The following STK32C variants were observed in gnomAD, a reference collection of about 807,000 sequenced individuals.
STK32C encodes serine/threonine kinase 32C.
STK32C carries 31 observed loss-of-function variants against 56.5 expected under a neutral mutation model. That is an observed-to-expected ratio of 0.55 (90% CI 0.41 to 0.74). The LOEUF (loss-of-function observed/expected upper bound fraction) is 0.74, where lower values mean the gene tolerates loss of function less well. Among genes scored for constraint, STK32C ranks in the 30% least tolerant of loss-of-function variants. The probability of loss-of-function intolerance (pLI) is 0.00; values close to 1 mark genes in which losing one functional copy is unlikely to be tolerated. For synonymous variants in STK32C, 309 were observed against 289.4 expected (o/e 1.07, Z -0.69); for missense variants, 544 against 676.9 (o/e 0.80, Z 2.18).
intron 2 of STK32C, among the ~76,000 whole-genome samples, chr10:132,241,608 C>T (rs1444374478): frequency 1.3e-5 from 2 of 152,166 alleles, no homozygotes; most frequent in African/African-American, 4.8e-5. Flanking sequence ...CTTGACAAGA[C>T]GTATTCAGAA....
rs76755058 is a variant in STK32C, at chr10:132,213,453, G to A, written c.1252-4352C>T. Reference sequence around the variant, plus strand: ...ATTTAGGCAAGCCCAAGGGCAACCCGGGAAATGAAAACAAATGTGAAGCCT... The same window carrying A: ...ATTTAGGCAAGCCCAAGGGCAACCCAGGAAATGAAAACAAATGTGAAGCCT... On this transcript the variant is annotated intron_variant, in intron 10 of 11. Transcript: ENST00000298630. Among the ~76,000 whole-genome samples the A allele has an allele frequency of 9.5e-3, 1,450 of 152,290 alleles. 29 individuals carry two copies. The highest frequency in any genetic ancestry group is 0.033 in the African/African-American group (1,362 of 41,548).
At chr10:132,280,107 C>T (rs114668248) in intron 1 of STK32C, among the ~76,000 whole-genome samples, 2,144 of 144,620 alleles carry the variant, frequency 0.015, 54 homozygotes, top group African/African-American at 0.051. Flanking sequence ...CCCTGCATTC[C>T]GTGATCACTC....
At chr10:132,260,070 G>GA (rs35749266) in intron 1 of STK32C, among the ~76,000 whole-genome samples, 53,951 of 149,152 alleles carry the variant, frequency 0.36, 9,966 homozygotes, top group African/African-American at 0.4. Flanking sequence ...TCTGGTTCAG[G>GA]AAAAAAAAAA....
At chr10:132,263,115 G>A (rs377027547) in intron 1 of STK32C, among the ~76,000 whole-genome samples, 20 of 152,276 alleles carry the variant, frequency 1.3e-4, no homozygotes, top group South Asian at 4.1e-4. Flanking sequence ...AAAACAAATC[G>A]TTCTACCAAA....
At chr10:132,281,579 T>C (rs977944905) in intron 1 of STK32C, among the ~76,000 whole-genome samples, 1 of 152,180 alleles carries the variant, frequency 6.6e-6, no homozygotes, top group Non-Finnish European at 1.5e-5. Flanking sequence ...CCAAAGAGTA[T>C]GTTCATGAAG....
rs1447392914 is a variant in STK32C, at chr10:132,226,887, C to T, written c.552G>A (p.Gln184=). 3 of 1,613,510 alleles carry T rather than the reference C, an allele frequency of 1.9e-6. No homozygotes were observed. Among genetic ancestry groups the T allele is most frequent in the Admixed American group, 3.3e-5 (2 of 60,034 alleles). ...CCGTGTCCTCGGAGAACTGCACGTT[C>T]TGCTGCAGGTGGTAGCGCAGGTCCC... is the stretch of plus-strand genomic sequence containing the variant. The part of the protein sequence containing the change: ...LGGDLRYHLQ[Q]NVQFSEDTVR... Residue 184 remains glutamine, a synonymous_variant, in exon 4 of 12, where the codon CAG becomes CAA. Coordinates refer to ENST00000298630, the MANE Select transcript of STK32C (RefSeq NM_173575.4).
At chr10:132,283,562 C>T (rs1262002836) in intron 1 of STK32C, among the ~76,000 whole-genome samples, 1 of 152,176 alleles carries the variant, frequency 6.6e-6, no homozygotes, top group Non-Finnish European at 1.5e-5. Flanking sequence ...CCATCTTCCT[C>T]GGCACAGAAG....
chr10:132,236,561 G>C (rs1194164834), intron 2 of STK32C, among the ~76,000 whole-genome samples: 1 of 152,212 alleles, frequency 6.6e-6, no homozygotes, highest in Non-Finnish European at 1.5e-5. Context: ...GGCAGCCCAG[G>C]AGGGGGTGCC....
intron 10 of STK32C, 93 bp from the exon 11 acceptor site, chr10:132,209,194 CT>C: frequency 8.2e-7 from 1 of 1,218,460 alleles, no homozygotes; most frequent in Non-Finnish European, 1.2e-6. Flanking sequence ...CCCATCGGGC[CT>C]CCACCTGTGG....
rs75283842 is a variant in STK32C at position 132,255,047 on chromosome 10, A to G, written c.263-9092T>C. Among the ~76,000 whole-genome samples, 3,272 of 152,114 alleles carry G rather than the reference A, an allele frequency of 0.022. 120 individuals carry two copies. Among genetic ancestry groups the G allele is most frequent in the African/African-American group, 0.073 (3,024 of 41,496 alleles). On this transcript the variant is annotated intron_variant, in intron 1 of 11. Transcript: ENST00000298630. This position sits in a 1 kb window ranked among gnomAD's most constrained non-coding sequence, Gnocchi z 4.6. ...TCAGGCAGAACCAGCCCGTTCACCA[A>G]TGGGAGGATTGCACAGCAGAAGTGG...
intron 10 of STK32C, among the ~76,000 whole-genome samples, chr10:132,210,964 G>A (rs1366759660): frequency 2.0e-5 from 3 of 152,194 alleles, no homozygotes; most frequent in Middle Eastern, 3.2e-3. Flanking sequence ...ACACGTACAC[G>A]GTGTGAGCGG....
chr10:132,301,664 T>C (rs1332494963), intron 1 of STK32C, among the ~76,000 whole-genome samples: 2 of 152,176 alleles, frequency 1.3e-5, no homozygotes, highest in African/African-American at 4.8e-5. Context: ...AAGGAAACAG[T>C]GCGGGCTACT....
chr10:132,331,978 CG>C (rs949527955), upstream of STK32C: 1 of 482,564 alleles, frequency 2.1e-6, no homozygotes, highest in African/African-American at 2.1e-5. Context: ...CGCCCCCTCC[CG>C]GGCAGGCGCA....
Position 132,228,080 on chromosome 10 carries a change from A to T in STK32C, c.367T>A (p.Tyr123Asn). The change falls in exon 3 of 12, where the codon TAC (tyrosine) becomes AAC (asparagine). Residue 123 changes from tyrosine (Y) to asparagine (N), a missense_variant. Transcript: ENST00000298630. Reference sequence around the variant, plus strand: ...TCGATGCACTGCTGCTTGTTCATGTACTTCATGGCGTACATCTTCTCCGTG... The same window carrying T: ...TCGATGCACTGCTGCTTGTTCATGTTCTTCATGGCGTACATCTTCTCCGTG... ...RDTEKMYAMK[Y>N]MNKQQCIERD... 1 of 1,613,836 alleles carries T rather than the reference A, an allele frequency of 6.2e-7. No homozygotes were observed. Among genetic ancestry groups the T allele is most frequent in the Non-Finnish European group, 8.5e-7 (1 of 1,180,014 alleles).
intron 2 of STK32C, among the ~76,000 whole-genome samples, chr10:132,232,360 C>T (rs1376855634): frequency 1.3e-5 from 2 of 152,190 alleles, no homozygotes; most frequent in African/African-American, 2.4e-5. Flanking sequence ...GAGAAGAGGG[C>T]GGGTCCGGCA....
chr10:132,266,378 C>T (rs1192823085), intron 1 of STK32C, among the ~76,000 whole-genome samples: 1 of 152,184 alleles, frequency 6.6e-6, no homozygotes, highest in Admixed American at 6.5e-5. Flanking sequence ...ACAACGTTCT[C>T]TGTCTCCATG....
chr10:132,257,709 C>T (rs1447660309), intron 1 of STK32C, among the ~76,000 whole-genome samples: 11 of 151,644 alleles, frequency 7.3e-5, no homozygotes, highest in African/African-American at 2.4e-4. Flanking sequence ...CCAGGCCTGA[C>T]ACCCCCACAA....
intron 2 of STK32C, among the ~76,000 whole-genome samples, chr10:132,241,510 G>C (rs1382374133): frequency 6.6e-6 from 1 of 152,188 alleles, no homozygotes; most frequent in Non-Finnish European, 1.5e-5. Context: ...AAAGACACTA[G>C]ACCCCTAGAT....
chr10:132,285,471 T>C (rs547273091), intron 1 of STK32C, among the ~76,000 whole-genome samples: 2 of 152,364 alleles, frequency 1.3e-5, no homozygotes, highest in Admixed American at 1.3e-4. Context: ...AAGATGTACT[T>C]CCTATTTAAA....
Sources: allele counts gnomAD v4.1 joint callset (sites outside exome capture counted in the v4.1 genomes callset), GRCh38; gene constraint gnomAD v4.1.1; non-coding constraint Gnocchi (gnomAD v3.1); transcripts MANE v1.5; gene names NCBI Gene and HGNC (gene_info 2026-07-23, HGNC 2026-07-21).